Variants in ANK3 observed in about 807,000 individuals in gnomAD.
ANK3 encodes ankyrin-3.
Under a neutral mutation model 370.9 loss-of-function variants are expected in ANK3, and 57 were observed. That is an observed-to-expected ratio of 0.15 (90% CI 0.12 to 0.19). The LOEUF is 0.19. Among genes scored for constraint, ANK3 ranks in the 10% least tolerant of loss-of-function variants. ANK3 has a pLI of 1.00. For missense variants in ANK3, 4,439 were observed against 5,302.1 expected (o/e 0.84, Z 5.06); for synonymous variants, 1,929 against 1,946.3 (o/e 0.99, Z 0.23).
At chr10:60,160,172 A>AC (rs2095460256) in intron 23 of ANK3, among the ~76,000 whole-genome samples, 1 of 10,986 alleles carries the variant, frequency 9.1e-5, no homozygotes, top group African/African-American at 1.4e-3. Context: ...CAGACTAACT[A>AC]AAAAAGAGAA....
chr10:60,491,550 A>T (rs1228984075), intron 2 of ANK3, among the ~76,000 whole-genome samples: 1 of 152,196 alleles, frequency 6.6e-6, no homozygotes, highest in Admixed American at 6.5e-5. Context: ...CTTTGTGCCT[A>T]CTGTGTTGAG....
At position 60,102,538 on chromosome 10, in the gene ANK3, T is replaced by C. The variant is rs527436182; in HGVS notation, c.3328+3367A>G. On this transcript the variant is annotated intron_variant, in intron 28 of 43. Coordinates refer to ENST00000280772, the MANE Select transcript of ANK3 (RefSeq NM_020987.5). ...TCTGTGTAACTTCCATAAATCATGA[T>C]CCCAACCACCACATTACATGGGGCA... Among the ~76,000 whole-genome samples the C allele has an allele frequency of 3.3e-5, 5 of 152,276 alleles. 1 individual carries two copies. The South Asian group carries it at 1.0e-3, about 32-fold the overall frequency.
chr10:60,249,203 T>A (rs1422553044), intron 7 of ANK3, among the ~76,000 whole-genome samples: 4 of 152,194 alleles, frequency 2.6e-5, no homozygotes, highest in African/African-American at 7.2e-5. Context: ...AAAACTCAAT[T>A]GTGGAGGAAT....
intron 7 of ANK3, among the ~76,000 whole-genome samples, chr10:60,243,174 T>G (rs754017041): frequency 6.6e-6 from 1 of 152,248 alleles, no homozygotes; most frequent in Non-Finnish European, 1.5e-5. Flanking sequence ...GTAAGTTTAC[T>G]TAAATTCTCT....
intron 8 of ANK3, 58 bp from the exon 9 acceptor site, chr10:60,213,568 T>G: frequency 8.5e-7 from 1 of 1,174,004 alleles, no homozygotes; most frequent in South Asian, 1.6e-5. Context: ...ATGAGTGCAG[T>G]GTACTTCTTC....
intron 2 of ANK3, among the ~76,000 whole-genome samples, chr10:60,433,060 G>C (rs1196240170): frequency 2.0e-5 from 3 of 152,128 alleles, no homozygotes; most frequent in Non-Finnish European, 4.4e-5. Context: ...TTTAAAAACT[G>C]TTCCACTTCA....
At chr10:60,192,032 C>T (rs559030290) in intron 16 of ANK3, among the ~76,000 whole-genome samples, 2 of 152,018 alleles carry the variant, frequency 1.3e-5, no homozygotes, top group Non-Finnish European at 2.9e-5. Context: ...CCTCAGCCTC[C>T]TGAGTAGCTG....
At chr10:60,054,861 G>A (rs907460254) in intron 42 of ANK3, among the ~76,000 whole-genome samples, 12 of 152,140 alleles carry the variant, frequency 7.9e-5, no homozygotes, top group African/African-American at 2.9e-4. Flanking sequence ...GTAAAAAGCA[G>A]TAAAAAATGT....
intron 2 of ANK3, among the ~76,000 whole-genome samples, chr10:60,450,147 T>C (rs1413698388): frequency 6.6e-6 from 1 of 151,738 alleles, no homozygotes; most frequent in Non-Finnish European, 1.5e-5. Flanking sequence ...AAATAAAAAA[T>C]TAGCTGGTCA....
chr10:60,245,584 A>G (rs1387546086), intron 7 of ANK3, among the ~76,000 whole-genome samples: 2 of 152,168 alleles, frequency 1.3e-5, no homozygotes, highest in Admixed American at 1.3e-4. Flanking sequence ...CTTTCACACA[A>G]ATGAGATTAT....
intron 2 of ANK3, among the ~76,000 whole-genome samples, chr10:60,543,972 T>G (rs1295769399): frequency 6.6e-6 from 1 of 152,060 alleles, no homozygotes; most frequent in African/African-American, 2.4e-5. Flanking sequence ...TCATTTACCA[T>G]CCTTTCAATA....
intron 7 of ANK3, among the ~76,000 whole-genome samples, chr10:60,248,633 T>C (rs2097592827): frequency 6.6e-6 from 1 of 152,192 alleles, no homozygotes; most frequent in East Asian, 1.9e-4. Flanking sequence ...ACCTCTACTT[T>C]GTGCAGGCTC....
In ANK3 at chr10:60,657,184, A is replaced by C. The variant is rs538120328; in HGVS notation, c.58-41960T>G. Among the ~76,000 whole-genome samples, 3 of 152,270 alleles carry C rather than the reference A, an allele frequency of 2.0e-5. No homozygotes were observed. The East Asian group carries it at 5.8e-4, about 29-fold the overall frequency. On this transcript the variant is annotated intron_variant, in intron 1 of 43. Transcript: ENST00000373827. ...CTTCATAAAACCATTAGATCTCGTG[A>C]GACTTATTCACTATCACCAGAAAAG...
At chr10:60,116,755 T>TAA (rs1037543884) in intron 25 of ANK3, among the ~76,000 whole-genome samples, 1 of 136,314 alleles carries the variant, frequency 7.3e-6, no homozygotes, top group Non-Finnish European at 1.6e-5. Flanking sequence ...CCCCTCAGTC[T>TAA]AAAAAAAAAG....
chr10:60,666,251 C>A (rs180988835), intron 1 of ANK3, among the ~76,000 whole-genome samples: 9 of 152,070 alleles, frequency 5.9e-5, no homozygotes, highest in Non-Finnish European at 8.8e-5. Context: ...CATGCTACAG[C>A]GTGGATGAAC....
intron 1 of ANK3, among the ~76,000 whole-genome samples, chr10:60,366,780 T>C (rs2059441330): frequency 6.6e-6 from 1 of 152,142 alleles, no homozygotes; most frequent in South Asian, 2.1e-4. Context: ...AAGGATCAAA[T>C]GTGATAATGT....
At chr10:60,046,722 C>T (rs1253189932) in intron 42 of ANK3, among the ~76,000 whole-genome samples, 1 of 151,856 alleles carries the variant, frequency 6.6e-6, no homozygotes, top group African/African-American at 2.4e-5. Context: ...ATTTATCCAT[C>T]TTTAATTCTG....
rs1355022811 is a variant in ANK3, at chr10:60,207,922, A to G, written c.1194+114T>C. Reference sequence around the variant, plus strand: ...ATATTTGAAAAAATTGACAAGAAGTACACTTTAACTAGCACCTTCTATTTT... The same window carrying G: ...ATATTTGAAAAAATTGACAAGAAGTGCACTTTAACTAGCACCTTCTATTTT... On this transcript the variant is annotated intron_variant, in intron 10 of 43. Transcript: ENST00000280772. The G allele has an allele frequency of 4.3e-6, 4 of 924,770 alleles. No homozygotes were observed. The African/African-American group carries it at 5.0e-5, about 11-fold the overall frequency. 57.3% of individuals were successfully genotyped at this position (924,770 alleles called of 1,614,324 possible).
chr10:60,405,489 G>A (rs557489596), intron 2 of ANK3, among the ~76,000 whole-genome samples: 3 of 152,164 alleles, frequency 2.0e-5, no homozygotes, highest in Non-Finnish European at 4.4e-5. Flanking sequence ...TTCTGGGAGT[G>A]GAGTGAGGTG....
Sources: gnomAD v4.1 joint callset for allele counts (sites outside exome capture counted in the v4.1 genomes callset) on GRCh38, gnomAD v4.1.1 for gene constraint, MANE v1.5 for transcripts, NCBI Gene and HGNC (gene_info 2026-07-23, HGNC 2026-07-21) for gene names.